The following CNTNAP2 variants were observed in gnomAD, a reference collection of about 807,000 sequenced individuals.
CNTNAP2 encodes the protein contactin associated protein 2.
Under a neutral mutation model 155.2 loss-of-function variants are expected in CNTNAP2, and 98 were observed. The observed-to-expected ratio is 0.63, with a 90% CI of 0.54 to 0.75. The LOEUF is 0.75. Among genes scored for constraint, CNTNAP2 ranks in the 30% least tolerant of loss-of-function variants. The pLI is 0.00. For missense variants in CNTNAP2, 1,727 were observed against 1,688.1 expected (o/e 1.02, Z -0.40); for synonymous variants, 651 against 631.2 (o/e 1.03, Z -0.47).
intron 17 of CNTNAP2, among the ~76,000 whole-genome samples, chr7:148,166,489 T>G (rs1052359977): frequency 1.7e-5 from 1 of 57,278 alleles, no homozygotes; most frequent in Non-Finnish European, 2.9e-5. Flanking sequence ...GAGGACAGTG[T>G]TTTTTTTTTT....
At chr7:147,180,594 G>T (rs1802435512) in intron 8 of CNTNAP2, among the ~76,000 whole-genome samples, 1 of 151,984 alleles carries the variant, frequency 6.6e-6, no homozygotes, top group Non-Finnish European at 1.5e-5. Context: ...TAAAAATTTA[G>T]TAAACTAGAA....
chr7:146,153,981 A>G (rs934653594), intron 1 of CNTNAP2, among the ~76,000 whole-genome samples: 1 of 152,104 alleles, frequency 6.6e-6, no homozygotes, highest in Non-Finnish European at 1.5e-5. Context: ...AAATACATTC[A>G]TATGAATGTA....
chr7:147,265,316 T>C (rs1804581888), intron 8 of CNTNAP2, among the ~76,000 whole-genome samples: 2 of 152,350 alleles, frequency 1.3e-5, no homozygotes, highest in Middle Eastern at 3.4e-3. Context: ...TTTTTTCCTC[T>C]GCTGGTGCTG....
At chr7:147,348,997 G>A (rs542352303) in intron 9 of CNTNAP2, among the ~76,000 whole-genome samples, 1 of 152,014 alleles carries the variant, frequency 6.6e-6, no homozygotes, top group South Asian at 2.1e-4. Context: ...GTAAAGGCAA[G>A]GGAAGATAGA....
chr7:146,558,897 G>GGTTC (rs1278235151), intron 1 of CNTNAP2, among the ~76,000 whole-genome samples: 1 of 152,194 alleles, frequency 6.6e-6, no homozygotes, highest in Non-Finnish European at 1.5e-5. Context: ...ATGTCTACAA[G>GGTTC]ATTCATCTCT....
At chr7:146,232,416 C>T (rs1025792101) in intron 1 of CNTNAP2, among the ~76,000 whole-genome samples, 1 of 151,874 alleles carries the variant, frequency 6.6e-6, no homozygotes, top group African/African-American at 2.4e-5. Flanking sequence ...GTATATTGCT[C>T]AATGAATTTG....
At chr7:146,212,607 G>T (rs1799053286) in intron 1 of CNTNAP2, among the ~76,000 whole-genome samples, 2 of 152,024 alleles carry the variant, frequency 1.3e-5, no homozygotes, top group African/African-American at 2.4e-5. Context: ...TTTTATTATA[G>T]CAATTAAGAC....
intron 1 of CNTNAP2, among the ~76,000 whole-genome samples, chr7:146,663,777 C>T (rs767892616): frequency 2.6e-4 from 40 of 152,106 alleles, no homozygotes; most frequent in African/African-American, 2.2e-4. Context: ...TTTCTATATA[C>T]GCCACCATGT....
In CNTNAP2 at chr7:148,408,969, T is replaced by C. The variant is rs1164279456; in HGVS notation, c.3716-422T>C. 2.0e-5 allele frequency among the ~76,000 whole-genome samples: 3 copies of C among 152,368 alleles called. No individual in the cohort carries two copies. In the South Asian group the frequency reaches 6.2e-4, roughly 32 times the overall value. On this transcript the variant is annotated intron_variant, in intron 22 of 23. Coordinates refer to ENST00000361727, the MANE Select transcript of CNTNAP2 (RefSeq NM_014141.6). ...TTAAAGGAATGATTCCTTTTTAAAC[T>C]TTTTAATACTGTAGCTGTAAAAAGC...
chr7:147,903,390 G>A (rs545032775), intron 13 of CNTNAP2, among the ~76,000 whole-genome samples, 175 bp from the exon 14 acceptor site: 1 of 152,292 alleles, frequency 6.6e-6, no homozygotes, highest in Admixed American at 6.5e-5. Flanking sequence ...CAGATAGATA[G>A]ACTGTGAAGA....
intron 1 of CNTNAP2, among the ~76,000 whole-genome samples, chr7:146,226,205 C>G (rs1251489082): frequency 6.6e-6 from 1 of 152,188 alleles, no homozygotes; most frequent in Non-Finnish European, 1.5e-5. Flanking sequence ...ATACAACTTC[C>G]TTCCACATCT....
At chr7:147,997,006 G>A (rs1387510518) in intron 15 of CNTNAP2, among the ~76,000 whole-genome samples, 1 of 152,306 alleles carries the variant, frequency 6.6e-6, no homozygotes, top group East Asian at 1.9e-4. Flanking sequence ...ACCCCAGAGA[G>A]CTTATTGGCC....
chr7:148,392,263 G>A (rs7783589), intron 22 of CNTNAP2, among the ~76,000 whole-genome samples: 55,441 of 143,792 alleles, frequency 0.39, 10,612 homozygotes, highest in African/African-American at 0.48. Context: ...TAGTAGAGAC[G>A]GGGTTTCACC....
At chr7:146,357,061 G>A (rs1795008923) in intron 1 of CNTNAP2, among the ~76,000 whole-genome samples, 1 of 152,128 alleles carries the variant, frequency 6.6e-6, no homozygotes, top group Non-Finnish European at 1.5e-5. Flanking sequence ...TGTAAGCACA[G>A]CTGAGTTCCT....
intron 15 of CNTNAP2, among the ~76,000 whole-genome samples, chr7:148,104,755 G>A (rs1251978572): frequency 6.6e-6 from 1 of 152,192 alleles, no homozygotes; most frequent in Non-Finnish European, 1.5e-5. Flanking sequence ...ACCACCTGAG[G>A]ACCCGGTGAA....
intron 21 of CNTNAP2, among the ~76,000 whole-genome samples, chr7:148,336,915 C>A (rs78203119): frequency 2.6e-5 from 4 of 152,182 alleles, no homozygotes; most frequent in Admixed American, 2.6e-4. Flanking sequence ...AACTGTGAAA[C>A]GATGGGTAGG....
At chr7:148,081,472 GACTAGACTGGCCTA>G (rs1349356623) in intron 15 of CNTNAP2, among the ~76,000 whole-genome samples, 1 of 152,030 alleles carries the variant, frequency 6.6e-6, no homozygotes, top group East Asian at 1.9e-4. Context: ...ACCTTGAAAA[GACTAGACTGGCCTA>G]GCCTCCCAGC....
chr7:146,610,417 T>C (rs890098568), intron 1 of CNTNAP2, among the ~76,000 whole-genome samples: 2 of 152,112 alleles, frequency 1.3e-5, no homozygotes, highest in Admixed American at 6.5e-5. Context: ...TTGTTGACTT[T>C]GTGTTTGTGT....
At chr7:146,716,112 C>T (rs1255397426) in intron 1 of CNTNAP2, among the ~76,000 whole-genome samples, 1 of 151,346 alleles carries the variant, frequency 6.6e-6, no homozygotes, top group Non-Finnish European at 1.5e-5. Context: ...GACTGGATAC[C>T]TGAAGTATGG....
Sources: allele counts gnomAD v4.1 joint callset (sites outside exome capture counted in the v4.1 genomes callset), GRCh38; gene constraint gnomAD v4.1.1; transcripts MANE v1.5; gene names NCBI Gene and HGNC (gene_info 2026-07-23, HGNC 2026-07-21).